ANKEF1: variants seen among roughly 807,000 people sequenced by gnomAD.
ANKEF1 encodes the protein ankyrin repeat and EF-hand domain containing 1.
Under a neutral mutation model 65.1 loss-of-function variants are expected in ANKEF1, and 43 were observed. That is an observed-to-expected ratio of 0.66 (90% CI 0.52 to 0.85). ANKEF1 has a LOEUF of 0.85. ANKEF1 is among the 40% of genes least tolerant of loss of function. The pLI, the probability that ANKEF1 is intolerant of heterozygous loss-of-function variation, is 0.00. For missense variants in ANKEF1, 934 were observed against 952.9 expected, an observed-to-expected ratio of 0.98 and a Z score of 0.26; for synonymous variants, 316 against 341.5, an observed-to-expected ratio of 0.93 and a Z score of 0.82.
At position 10,038,437 on chromosome 20, in the gene ANKEF1, A is replaced by T; in HGVS notation, c.136A>T (p.Ile46Phe). 6.2e-7 allele frequency: 1 copy of T among 1,614,198 alleles called. No homozygotes were observed. Among genetic ancestry groups the T allele is most frequent in the Non-Finnish European group, 8.5e-7 (1 of 1,180,026 alleles). Reference sequence around the variant, plus strand: ...TGAACTAATCAATTATACAGAACCCATTAATGGACTTAGTGCTTTGCACTT... The same window carrying T: ...TGAACTAATCAATTATACAGAACCCTTTAATGGACTTAGTGCTTTGCACTT... ...YPELINYTEP[I>F]NGLSALHLAS... The change falls in exon 3 of 11, where the codon ATT becomes TTT. Residue 46 changes from isoleucine (I) to phenylalanine (F), a missense_variant. Transcript: ENST00000378392.
At chr20:10,050,561 A>C (rs1355637029) in intron 7 of ANKEF1, among the ~76,000 whole-genome samples, 1 of 152,102 alleles carries the variant, frequency 6.6e-6, no homozygotes, top group African/African-American at 2.4e-5. Context: ...TAAAGCCTAT[A>C]ATAAATTAAT....
At chr20:10,035,807 C>G (rs1369091940) in intron 2 of ANKEF1, among the ~76,000 whole-genome samples, 165 bp downstream of exon 2, 3 of 152,186 alleles carry the variant, frequency 2.0e-5, no homozygotes, top group Admixed American at 6.5e-5. Flanking sequence ...GCACAGCCCC[C>G]CTTTGAGAGT....
chr20:10,049,907 G>T lies in ANKEF1; in HGVS notation c.1338G>T (p.Arg446=), dbSNP rs758756107. 7.4e-6 allele frequency: 12 copies of T among 1,614,040 alleles called. No individual in the cohort carries two copies. The highest frequency in any genetic ancestry group is 1.0e-5 in the Non-Finnish European group (12 of 1,180,036). The change falls in exon 7 of 11, where the codon CGG becomes CGT. Residue 446 remains arginine, a synonymous_variant. Coordinates refer to ENST00000378392, the MANE Select transcript of ANKEF1 (RefSeq NM_022096.6). Reference sequence around the variant, plus strand: ...TTCCTGAGTACGCGTTTCCACGCCGGCAGGATGGTGGGCCACCGTATTACA... The same window carrying T: ...TTCCTGAGTACGCGTTTCCACGCCGTCAGGATGGTGGGCCACCGTATTACA... ...CVIPEYAFPR[R]QDGGPPYYMI...
chr20:10,054,495 A>G lies in ANKEF1; in HGVS notation c.2068A>G (p.Thr690Ala). Residue 690 changes from threonine (T) to alanine (A), a missense_variant, in exon 10 of 11, where the codon ACA becomes GCA. Transcript: ENST00000378392. The part of the protein sequence containing the change: ...LLSSIYGVPT[T>A]SEGKKVQKGN... ...GTCATCAATTTATGGTGTACCAACC[A>G]CATCAGAGGGAAAGAAAGTACAGAA... The G allele has an allele frequency of 6.2e-7, 1 of 1,601,940 alleles. No individual in the cohort carries two copies. The highest frequency in any genetic ancestry group is 8.5e-7 in the Non-Finnish European group (1 of 1,175,808).
intron 6 of ANKEF1, among the ~76,000 whole-genome samples, chr20:10,046,694 A>G (rs1452468122): frequency 1.3e-5 from 2 of 152,184 alleles, no homozygotes; most frequent in Non-Finnish European, 2.9e-5. Context: ...GCAGAACTGT[A>G]TATATTTTTT....
chr20:10,046,169 G>T (rs547557319), intron 6 of ANKEF1, among the ~76,000 whole-genome samples: 1 of 152,166 alleles, frequency 6.6e-6, no homozygotes, highest in Non-Finnish European at 1.5e-5. Context: ...AGTTACTTGG[G>T]AGGCTAAGGC....
At position 10,057,434 on chromosome 20, in the gene ANKEF1, A is replaced by G. The variant is rs1046100178; in HGVS notation, c.*1774A>G. The G allele has an allele frequency of 1.3e-5, 2 of 152,136 alleles. No individual in the cohort carries two copies. Among genetic ancestry groups the G allele is most frequent in the African/African-American group, 4.8e-5 (2 of 41,430 alleles). The allele number at this position is 152,136 out of a possible 1,614,324, so 9.4% of individuals were successfully genotyped here. A position where few individuals can be genotyped will look rare whatever the true frequency, so the allele number is the denominator to read the frequency against. On this transcript the variant is annotated 3_prime_UTR_variant, in exon 11 of 11. Coordinates refer to ENST00000378392, the MANE Select transcript of ANKEF1 (RefSeq NM_022096.6). ...TTTTGACATAATTTCATATTTATGGAAAAGTTGCAATAATTTGACAAAGAA... is the reference window on the plus strand; with the variant it reads ...TTTTGACATAATTTCATATTTATGGGAAAGTTGCAATAATTTGACAAAGAA...
intron 10 of ANKEF1, among the ~76,000 whole-genome samples, chr20:10,054,921 C>T (rs1985060833): frequency 6.6e-6 from 1 of 152,154 alleles, no homozygotes; most frequent in Non-Finnish European, 1.5e-5. Flanking sequence ...TGGTACTTCT[C>T]AGACCCAACC....
intron 10 of ANKEF1, among the ~76,000 whole-genome samples, chr20:10,054,887 C>T (rs1985058709): frequency 6.6e-6 from 1 of 152,148 alleles, no homozygotes; most frequent in Non-Finnish European, 1.5e-5. Context: ...TGTTTAATCA[C>T]TAACTCCTAA....
chr20:10,050,182 T>C lies in ANKEF1; in HGVS notation c.1613T>C (p.Ile538Thr), dbSNP rs751857877. The change falls in exon 7 of 11, where the codon ATA (isoleucine) becomes ACA (threonine). Residue 538 changes from isoleucine (I) to threonine (T), a missense_variant. By Grantham distance (89) the Ile-to-Thr change is moderately conservative (BLOSUM62 -1). Transcript: ENST00000378392. ...ATGACGGCGTGTGCAAGTGGAAACA[T>C]AGATGTGGTCAAGTTTCTTCTTGAA... ...PLMTACASGN[I>T]DVVKFLLEKG... 2 of 1,612,608 alleles carry C rather than the reference T, an allele frequency of 1.2e-6. No homozygotes were observed. Among genetic ancestry groups the C allele is most frequent in the Non-Finnish European group, 1.7e-6 (2 of 1,179,178 alleles).
chr20:10,041,520 C>G (rs2122229911), intron 3 of ANKEF1, among the ~76,000 whole-genome samples: 1 of 152,188 alleles, frequency 6.6e-6, no homozygotes, highest in Admixed American at 6.5e-5. Flanking sequence ...TTACTTAGTT[C>G]TTTCAATGAT....
chr20:10,041,385 A>G (rs561170985), intron 3 of ANKEF1, among the ~76,000 whole-genome samples: 1 of 151,972 alleles, frequency 6.6e-6, no homozygotes, highest in South Asian at 2.1e-4. Flanking sequence ...AACAGTATTC[A>G]TTGATTCTTT....
intron 4 of ANKEF1, 39 bp downstream of exon 4, chr20:10,043,360 A>G: frequency 6.4e-7 from 1 of 1,560,908 alleles, no homozygotes. Context: ...TTCTTGTTTC[A>G]ATTACAGCAT....
At chr20:10,046,429 A>G (rs1382874739) in intron 6 of ANKEF1, among the ~76,000 whole-genome samples, 3 of 152,304 alleles carry the variant, frequency 2.0e-5, no homozygotes, top group East Asian at 1.9e-4. Flanking sequence ...AGTTATGGGG[A>G]AAATAATTTG....
chr20:10,045,430 C>A, intron 5 of ANKEF1, 144 bp from the exon 6 acceptor site: 1 of 791,148 alleles, frequency 1.3e-6, no homozygotes, highest in Non-Finnish European at 2.0e-6. Context: ...TAAATATTTT[C>A]AGTTTAGTTC....
intron 5 of ANKEF1, 85 bp from the exon 6 acceptor site, chr20:10,045,489 C>T: frequency 7.2e-7 from 1 of 1,389,152 alleles, no homozygotes; most frequent in Non-Finnish European, 1.0e-6. Flanking sequence ...TGATATTGTA[C>T]TGGATAGTGC....
At chr20:10,053,436 T>C (rs1051805244) in intron 9 of ANKEF1, among the ~76,000 whole-genome samples, 161 bp downstream of exon 9, 3 of 152,100 alleles carry the variant, frequency 2.0e-5, no homozygotes, top group African/African-American at 7.2e-5. Context: ...TAAAGAAATA[T>C]CTAATAAAAT....
In ANKEF1 at chr20:10,051,811, G is replaced by A; in HGVS notation, c.1792G>A (p.Ala598Thr). 6.2e-7 allele frequency: 1 copy of A among 1,613,572 alleles called. No individual in the cohort carries two copies. The highest frequency in any genetic ancestry group is 8.5e-7 in the Non-Finnish European group (1 of 1,179,776). The change falls in exon 8 of 11, where the codon GCC (alanine) becomes ACC (threonine). Residue 598 changes from alanine to threonine, a missense_variant. By Grantham distance (58) the Ala-to-Thr change is moderately conservative (BLOSUM62 0). Transcript: ENST00000378392. Reference protein sequence around the residue: ...SINNSTPLNRAIESCRLDTVK... With the variant: ...SINNSTPLNRTIESCRLDTVK... The stretch of plus-strand genomic sequence containing the variant: ...CAACAACTCAACTCCTTTAAATAGA[G>A]CCATTGAAAGCTGCAGACTGGATAC...
chr20:10,049,320 G>A, intron 6 of ANKEF1, 70 bp from the exon 7 acceptor site: 1 of 1,366,722 alleles, frequency 7.3e-7, no homozygotes, highest in African/African-American at 1.5e-5. Flanking sequence ...GAAAACAGTT[G>A]GATGAGTGTC....
Sources: gnomAD v4.1 joint callset for allele counts (sites outside exome capture counted in the v4.1 genomes callset) on GRCh38, gnomAD v4.1.1 for gene constraint, MANE v1.5 for transcripts, NCBI Gene and HGNC (gene_info 2026-07-23, HGNC 2026-07-21) for gene names.